The following LCMT1 variants were observed in gnomAD, a reference collection of about 807,000 sequenced individuals.
The protein encoded by LCMT1 is leucine carboxyl methyltransferase 1.
LCMT1 carries 32 observed loss-of-function variants against 47.7 expected under a neutral mutation model. That is an observed-to-expected ratio of 0.67 (90% confidence interval 0.51 to 0.90). The LOEUF is 0.90. Ranked by LOEUF, LCMT1 falls within the 40% of genes least tolerant of loss-of-function variation. The pLI is 0.00. For synonymous variants in LCMT1, 152 were observed against 149.7 expected (o/e 1.02, Z -0.11); for missense variants, 375 against 415.2 (o/e 0.90, Z 0.84).
At chr16:25,133,987 A>G (rs1442351699) in intron 3 of LCMT1, among the ~76,000 whole-genome samples, 1 of 149,772 alleles carries the variant, frequency 6.7e-6, no homozygotes, top group East Asian at 2.0e-4. Flanking sequence ...AGTCGAGATC[A>G]TGCCACCGCA....
intron 9 of LCMT1, among the ~76,000 whole-genome samples, chr16:25,173,494 A>G (rs1961836107): frequency 6.6e-6 from 1 of 152,224 alleles, no homozygotes; most frequent in Non-Finnish European, 1.5e-5. Context: ...TCACAAATAC[A>G]GAAACATGCA....
At chr16:25,160,930 C>T (rs982162669) in intron 5 of LCMT1, among the ~76,000 whole-genome samples, 172 bp from the exon 6 acceptor site, 5 of 150,938 alleles carry the variant, frequency 3.3e-5, no homozygotes, top group South Asian at 2.1e-4. Flanking sequence ...CACCAAAACA[C>T]GAATAGTTAT....
rs554750188 is a variant in LCMT1, at chr16:25,136,065, TG to T, written c.327+3545del. 3.9e-5 allele frequency among the ~76,000 whole-genome samples: 5 copies of T among 128,324 alleles called. No homozygotes were observed. In the East Asian group the frequency reaches 1.2e-3, roughly 30 times the overall value. 84.2% of individuals were successfully genotyped at this position (128,324 alleles called of 152,430 possible). A position where few individuals can be genotyped will look rare whatever the true frequency, so the allele number is the denominator to read the frequency against. On this transcript the variant is annotated intron_variant, in intron 3 of 10. Coordinates refer to ENST00000399069, the MANE Select transcript of LCMT1 (RefSeq NM_016309.3). ...AAGATCGTGCCACTGCACTCTAGCCTGGGTGTCCAAGCGAGATGCTGTCTCA... is the reference window on the plus strand; with the variant it reads ...AAGATCGTGCCACTGCACTCTAGCCTGGTGTCCAAGCGAGATGCTGTCTCA...
intron 6 of LCMT1, among the ~76,000 whole-genome samples, chr16:25,162,759 A>C (rs1961470198): frequency 6.6e-6 from 1 of 152,338 alleles, no homozygotes; most frequent in South Asian, 2.1e-4. Flanking sequence ...CGAAGAGAAG[A>C]TAAAAATAAT....
intron 1 of LCMT1, among the ~76,000 whole-genome samples, chr16:25,127,121 T>C (rs1376173232): frequency 6.6e-6 from 1 of 152,176 alleles, no homozygotes; most frequent in Admixed American, 6.5e-5. Flanking sequence ...CTCAGCACCT[T>C]GGGAAGCGGA....
chr16:25,147,726 C>G (rs1297593340), intron 4 of LCMT1: 1 of 151,862 alleles, frequency 6.6e-6, no homozygotes, highest in Non-Finnish European at 1.5e-5. Flanking sequence ...GGGTCTCACT[C>G]CATTGCCCAG....
intron 7 of LCMT1, among the ~76,000 whole-genome samples, chr16:25,166,940 A>G (rs1006625212): frequency 1.3e-5 from 2 of 152,224 alleles, no homozygotes; most frequent in Admixed American, 1.3e-4. Context: ...TGCTTTCAGG[A>G]TAACCACATC....
chr16:25,160,777 T>C (rs1961402775), intron 5 of LCMT1: 2 of 544,338 alleles, frequency 3.7e-6, no homozygotes, highest in African/African-American at 3.8e-5. Context: ...AAAGCAGTTT[T>C]CAAACCACAT....
chr16:25,121,956 T>A (rs931246855), intron 1 of LCMT1, among the ~76,000 whole-genome samples: 3 of 152,262 alleles, frequency 2.0e-5, no homozygotes, highest in Non-Finnish European at 4.4e-5. Flanking sequence ...TGCAGTTTCG[T>A]ACTTTGGCCA....
Position 25,111,917 on chromosome 16 carries a change from T to G in LCMT1, c.34T>G (p.Ser12Ala), listed in dbSNP as rs1959629490. ...TAGGCAGAGGGAATCCTCTATCACC[T>G]CCTGCTGTTCCACCTCGAGCTGCGA... is the stretch of plus-strand genomic sequence containing the variant. ...ATRQRESSIT[S>A]CCSTSSCDAD... is the part of the protein sequence containing the mutation. The change falls in exon 1 of 11, where the codon TCC becomes GCC. Residue 12 changes from serine to alanine, a missense_variant. Physicochemically the swap from Ser to Ala is moderately conservative, Grantham distance 99 (BLOSUM62 1). Transcript: ENST00000399069. The G allele has an allele frequency of 1.2e-6, 2 of 1,613,264 alleles. No individual in the cohort carries two copies. Among genetic ancestry groups the G allele is most frequent in the African/African-American group, 1.3e-5 (1 of 74,902 alleles).
intron 5 of LCMT1, among the ~76,000 whole-genome samples, chr16:25,154,976 G>T (rs976147280): frequency 6.6e-6 from 1 of 152,252 alleles, no homozygotes; most frequent in South Asian, 2.1e-4. Flanking sequence ...AAATTTGGGC[G>T]AACTGATACG....
intron 3 of LCMT1, among the ~76,000 whole-genome samples, chr16:25,136,415 A>T (rs1261858705): frequency 1.3e-5 from 2 of 151,620 alleles, no homozygotes; most frequent in African/African-American, 2.4e-5. Flanking sequence ...ACAGAAGAAG[A>T]AGTTGAAGCA....
intron 7 of LCMT1, among the ~76,000 whole-genome samples, chr16:25,168,166 A>G (rs1961644470): frequency 6.6e-6 from 1 of 152,036 alleles, no homozygotes; most frequent in Non-Finnish European, 1.5e-5. Context: ...CTCCCGCCTC[A>G]GCCTCCTGAG....
At chr16:25,132,152 A>G (rs375227422) in intron 2 of LCMT1, 4 of 530,130 alleles carry the variant, frequency 7.5e-6, no homozygotes, top group Non-Finnish European at 1.0e-5. Flanking sequence ...ACATAAAACT[A>G]TAGCTCATTT....
chr16:25,157,608 G>A (rs1961301163), intron 5 of LCMT1, among the ~76,000 whole-genome samples: 1 of 152,176 alleles, frequency 6.6e-6, no homozygotes, highest in African/African-American at 2.4e-5. Context: ...ACTTAATGAG[G>A]CAGATAATTA....
Position 25,111,870 on chromosome 16 carries a change from G to A in LCMT1, c.-14G>A. 1.9e-6 allele frequency: 3 copies of A among 1,584,912 alleles called. No individual in the cohort carries two copies. Among genetic ancestry groups the A allele is most frequent in the South Asian group, 1.1e-5 (1 of 90,062 alleles). On this transcript the variant is annotated 5_prime_UTR_variant, in exon 1 of 11. Coordinates refer to ENST00000399069, the MANE Select transcript of LCMT1 (RefSeq NM_016309.3). ...TGTCCCTGGCGGACACAGCTCCCAG[G>A]AACCTCCACGCCCATGGCCACTAGG...
intron 4 of LCMT1, chr16:25,144,892 G>C (rs1475254307): frequency 1.3e-5 from 2 of 152,220 alleles, no homozygotes; most frequent in African/African-American, 4.8e-5. Flanking sequence ...AAACATACAA[G>C]GTAAGTGGTT....
chr16:25,160,822 A>T, intron 5 of LCMT1: 1 of 589,306 alleles, frequency 1.7e-6, no homozygotes. Flanking sequence ...TCTATTCAGG[A>T]TGTGTGTATG....
At chr16:25,123,490 G>A (rs111264325) in intron 1 of LCMT1, among the ~76,000 whole-genome samples, 36 of 151,258 alleles carry the variant, frequency 2.4e-4, no homozygotes, top group Admixed American at 5.3e-4. Context: ...CTCCCAAAGC[G>A]TTGGGATTAC....
Sources: allele counts gnomAD v4.1 joint callset (sites outside exome capture counted in the v4.1 genomes callset), GRCh38; gene constraint gnomAD v4.1.1; transcripts MANE v1.5; gene names NCBI Gene and HGNC (gene_info 2026-07-23, HGNC 2026-07-21).